Variants in KRT78 observed in about 807,000 individuals in gnomAD.
KRT78 encodes keratin 78.
KRT78 carries 55 observed loss-of-function variants against 51.4 expected under a neutral mutation model. The observed-to-expected ratio is 1.07, with a 90% confidence interval of 0.86 to 1.34. The LOEUF is 1.34. KRT78 is among the 40% of genes most tolerant of loss of function. The pLI, the probability that KRT78 is intolerant of heterozygous loss-of-function variation, is 0.00. For synonymous variants in KRT78, 291 were observed against 264.3 expected, an observed-to-expected ratio of 1.10 and a Z score of -0.98; for missense variants, 652 against 649.4, an observed-to-expected ratio of 1.00 and a Z score of -0.04.
At chr12:52,840,270 G>A in intron 6 of KRT78, among the ~76,000 whole-genome samples, 1 of 152,084 alleles carries the variant, frequency 6.6e-6, no homozygotes, top group East Asian at 1.9e-4. Flanking sequence ...TGGAAGTAGG[G>A]TCTTTACAGA....
chr12:52,846,860 T>C, intron 2 of KRT78, 36 bp from the exon 3 acceptor site: 1 of 1,558,126 alleles, frequency 6.4e-7, no homozygotes, highest in East Asian at 2.2e-5. Flanking sequence ...AGTTTGAGGC[T>C]CCACGGTCAG....
rs753698410 is a variant in KRT78 at position 52,839,272 on chromosome 12, G to A, written c.1404C>T (p.Cys468=). The A allele has an allele frequency of 2.5e-6, 4 of 1,612,312 alleles. No homozygotes were observed. The highest frequency in any genetic ancestry group is 1.3e-5 in the African/African-American group (1 of 74,876). Residue 468 remains cysteine (C), a synonymous_variant, in exon 9 of 9, where the codon TGC becomes TGT. Transcript: ENST00000304620. ...GSGKGSPGSC[C]TSIVTGGSNI... ...TGGAGCCTCCAGTCACAATGCTGGT[G>A]CAGCAGGACCCAGGGCTGCCTTTCC...
chr12:52,841,744 G>A (rs2120395706), intron 6 of KRT78, among the ~76,000 whole-genome samples: 1 of 152,284 alleles, frequency 6.6e-6, no homozygotes, highest in East Asian at 1.9e-4. Flanking sequence ...GCCTGCACAG[G>A]GGAGCCCAGT....
chr12:52,847,396 AGT>A (rs1441171254), intron 2 of KRT78, among the ~76,000 whole-genome samples: 3 of 152,162 alleles, frequency 2.0e-5, no homozygotes, highest in Admixed American at 6.5e-5. Flanking sequence ...GCCCCCTATT[AGT>A]CCAGGGCTCT....
At chr12:52,845,988 A>AT (rs1049755411) in intron 4 of KRT78, 17 of 530,812 alleles carry the variant, frequency 3.2e-5, no homozygotes, top group African/African-American at 1.5e-4. Flanking sequence ...ATCTGTAGTG[A>AT]TTTTTTTCTG....
At chr12:52,843,008 A>AGGAAGGAAGGAG (rs1555182943) in intron 6 of KRT78, among the ~76,000 whole-genome samples, 53 of 25,160 alleles carry the variant, frequency 2.1e-3, no homozygotes, top group Middle Eastern at 0.029. Flanking sequence ...GAAGGAAGGA[A>AGGAAGGAAGGAG]GGAGGGAGGG....
intron 5 of KRT78, 31 bp from the exon 6 acceptor site, chr12:52,844,249 T>C (rs763003180): frequency 2.0e-5 from 31 of 1,560,822 alleles, no homozygotes; most frequent in Non-Finnish European, 2.4e-5. Context: ...ACACCATTAG[T>C]TGAGAGGACT....
chr12:52,839,151 T>C lies in KRT78; in HGVS notation c.1525A>G (p.Thr509Ala), dbSNP rs137965090. 581 of 1,613,278 alleles carry C rather than the reference T, an allele frequency of 3.6e-4. 3 individuals are homozygous for C. The highest frequency in any genetic ancestry group is 4.7e-4 in the Non-Finnish European group (555 of 1,179,874). The change falls in exon 9 of 9, where the codon ACA becomes GCA. Residue 509 changes from threonine to alanine, a missense_variant. Thr to Ala is a moderately conservative substitution (Grantham distance 58). Coordinates refer to ENST00000304620, the MANE Select transcript of KRT78 (RefSeq NM_173352.4). ...GSSCHTILKK[T>A]VESSLKTSIT... ...GATGTCTTCAGACTCGACTCAACTG[T>C]CTTCTTCAGGATGGTGTGGCAGCTG...
Position 52,846,785 on chromosome 12 carries a change from G to C in KRT78, c.639C>G (p.Asn213Lys). The change falls in exon 3 of 9, where the codon AAC becomes AAG. Residue 213 changes from asparagine to lysine, a missense_variant. Physicochemically the swap from Asn to Lys is moderately conservative, Grantham distance 94 (BLOSUM62 0). Transcript: ENST00000304620. ...TCACCTTCTTGAGGACCACAAAGTC[G>C]TTCTCAAGTGTGGCACGCCTGTGGG... is the stretch of plus-strand genomic sequence containing the variant. ...EEAHRRATLE[N>K]DFVVLKKDVD... 1 of 1,613,824 alleles carries C rather than the reference G, an allele frequency of 6.2e-7. No homozygotes were observed. The highest frequency in any genetic ancestry group is 1.3e-5 in the African/African-American group (1 of 75,040).
chr12:52,839,025 G>A lies in KRT78; in HGVS notation c.*88C>T. The A allele has an allele frequency of 6.8e-7, 1 of 1,478,168 alleles. No individual in the cohort carries two copies. The highest frequency in any genetic ancestry group is 9.1e-7 in the Non-Finnish European group (1 of 1,093,696). 91.6% of individuals were successfully genotyped at this position (1,478,168 alleles called of 1,614,324 possible). A position where few individuals can be genotyped will look rare whatever the true frequency, so the allele number is the denominator to read the frequency against. On this transcript the variant is annotated 3_prime_UTR_variant, in exon 9 of 9. Transcript: ENST00000304620. ...CCGCTGTGGGCTGGCTTGGGCTGTG[G>A]GCAGCGGACACGGAGTTGGCCTTGC...
chr12:52,840,083 A>G, intron 6 of KRT78, 99 bp from the exon 7 acceptor site: 1 of 817,260 alleles, frequency 1.2e-6, no homozygotes, highest in Non-Finnish European at 1.9e-6. Context: ...GGGGCGGATC[A>G]TAATCTTATG....
At chr12:52,846,872 G>A (rs771577396) in intron 2 of KRT78, 48 bp from the exon 3 acceptor site, 2 of 1,448,102 alleles carry the variant, frequency 1.4e-6, no homozygotes, top group Non-Finnish European at 1.9e-6. Context: ...CACGGTCAGA[G>A]CTCATGCCCC....
intron 1 of KRT78, 26 bp downstream of exon 1, chr12:52,848,521 A>T: frequency 1.2e-6 from 2 of 1,610,686 alleles, no homozygotes; most frequent in Non-Finnish European, 1.7e-6. Context: ...GCACAGAGAC[A>T]GGGGCTTGGC....
At chr12:52,846,732 A>T in intron 3 of KRT78, 32 bp downstream of exon 3, 1 of 1,598,904 alleles carries the variant, frequency 6.3e-7, no homozygotes, top group Admixed American at 1.7e-5. Context: ...GGATGCTCAG[A>T]ACGTAAGTGG....
chr12:52,847,490 C>A (rs756650880), intron 2 of KRT78, among the ~76,000 whole-genome samples: 1 of 152,212 alleles, frequency 6.6e-6, no homozygotes, highest in East Asian at 1.9e-4. Context: ...GGGGACAGCC[C>A]CACTAAATTG....
rs770680728 is a variant in KRT78 at position 52,844,604 on chromosome 12, G to T, written c.876C>A (p.Ile292=). The change falls in exon 5 of 9, where the codon ATC becomes ATA. Residue 292 remains isoleucine, a synonymous_variant. Transcript: ENST00000304620. ...CAGCCTCAGCCTTGCTGCTCCGGGC[G>T]ATCTCCTCGTACCGGGCGCGGACCT... ...ITEVRARYEE[I]ARSSKAEAEA... 7.4e-6 allele frequency: 12 copies of T among 1,614,006 alleles called. No homozygotes were observed. Among genetic ancestry groups the T allele is most frequent in the Non-Finnish European group, 1.0e-5 (12 of 1,179,988 alleles).
chr12:52,845,972 T>G (rs1940632088), intron 4 of KRT78: 2 of 525,028 alleles, frequency 3.8e-6, no homozygotes, highest in East Asian at 3.1e-5. Flanking sequence ...AAAAAGCAAT[T>G]TTTTTATCTG....
intron 3 of KRT78, 124 bp downstream of exon 3, chr12:52,846,640 C>CT: frequency 1.1e-6 from 1 of 903,800 alleles, no homozygotes; most frequent in South Asian, 1.4e-5. Flanking sequence ...CAGGGGACCC[C>CT]TGCAGGTAGA....
intron 6 of KRT78, 23 bp from the exon 7 acceptor site, chr12:52,840,007 C>A (rs533277298): frequency 1.9e-6 from 3 of 1,581,566 alleles, no homozygotes; most frequent in East Asian, 2.2e-5. Flanking sequence ...TAGAAATGAG[C>A]GAGAAGGTGG....
Sources: allele counts gnomAD v4.1 joint callset (sites outside exome capture counted in the v4.1 genomes callset), GRCh38; gene constraint gnomAD v4.1.1; transcripts MANE v1.5; gene names NCBI Gene and HGNC (gene_info 2026-07-23, HGNC 2026-07-21).